AGBL1: variants seen among roughly 807,000 people sequenced by gnomAD.
The protein encoded by AGBL1 is AGBL carboxypeptidase 1.
AGBL1 carries 130 observed loss-of-function variants against 118.9 expected under a neutral mutation model. The observed-to-expected ratio is 1.09, with a 90% CI of 0.95 to 1.26. The LOEUF (loss-of-function observed/expected upper bound fraction) is 1.26. AGBL1 is among the 50% of genes most tolerant of loss of function. The pLI is 0.00. For synonymous variants in AGBL1, 555 were observed against 478.9 expected, an observed-to-expected ratio of 1.16 and a Z score of -2.08; for missense variants, 1,584 against 1,298.1, an observed-to-expected ratio of 1.22 and a Z score of -3.38.
chr15:86,700,821 G>T (rs1567129312), intron 22 of AGBL1, among the ~76,000 whole-genome samples: 1 of 152,102 alleles, frequency 6.6e-6, no homozygotes, highest in Non-Finnish European at 1.5e-5. Context: ...TACCATGAAA[G>T]TTGAGATTCG....
intron 1 of AGBL1, among the ~76,000 whole-genome samples, chr15:86,091,255 G>A (rs868676676): frequency 3.3e-5 from 5 of 152,272 alleles, no homozygotes; most frequent in African/African-American, 7.2e-5. Flanking sequence ...TGGGTGGAAA[G>A]GTTTTCAGAA....
intron 17 of AGBL1, among the ~76,000 whole-genome samples, chr15:86,364,878 C>T (rs114609983): frequency 0.027 from 4,100 of 149,898 alleles, 208 homozygotes; most frequent in African/African-American, 0.095. Flanking sequence ...TTACAATGCA[C>T]CTTTCATGCT....
intron 24 of AGBL1, among the ~76,000 whole-genome samples, chr15:87,008,131 C>T (rs1408958242): frequency 1.3e-5 from 2 of 152,118 alleles, no homozygotes; most frequent in Non-Finnish European, 2.9e-5. Flanking sequence ...GGAGTGCTTC[C>T]AGAAGAGATT....
At chr15:86,502,492 G>C (rs574716686) in intron 18 of AGBL1, among the ~76,000 whole-genome samples, 8 of 151,420 alleles carry the variant, frequency 5.3e-5, no homozygotes, top group Admixed American at 2.0e-4. Context: ...GGTAAAAGCA[G>C]ACAACCTTGG....
At chr15:86,918,430 C>G (rs911149084), downstream of AGBL1, among the ~76,000 whole-genome samples, 3 of 152,048 alleles carry the variant, frequency 2.0e-5, no homozygotes, top group Non-Finnish European at 4.4e-5. Flanking sequence ...CTTCATTTTT[C>G]CCTTGAGGCA....
intron 22 of AGBL1, among the ~76,000 whole-genome samples, chr15:86,852,020 A>G (rs557374237): frequency 6.6e-6 from 1 of 152,154 alleles, no homozygotes; most frequent in Admixed American, 6.5e-5. Flanking sequence ...GAACTACTAC[A>G]TAAACACTGT....
At chr15:86,732,268 T>C (rs78004085) in intron 22 of AGBL1, among the ~76,000 whole-genome samples, 1,866 of 152,316 alleles carry the variant, frequency 0.012, 29 homozygotes, top group East Asian at 0.069. Flanking sequence ...TGTGTATGCA[T>C]GTATATTTGT....
intron 21 of AGBL1, among the ~76,000 whole-genome samples, chr15:86,593,210 T>A (rs541304055): frequency 6.6e-6 from 1 of 152,202 alleles, no homozygotes; most frequent in Non-Finnish European, 1.5e-5. Flanking sequence ...ACTTTTTTAG[T>A]TCTTGGCACC....
chr15:86,273,248 C>T (rs1243148206), intron 15 of AGBL1, among the ~76,000 whole-genome samples: 2 of 152,142 alleles, frequency 1.3e-5, no homozygotes, highest in Admixed American at 1.3e-4. Context: ...AAAAGCACAG[C>T]CTTGACCTAA....
chr15:86,506,675 C>G (rs2082981232), intron 18 of AGBL1, among the ~76,000 whole-genome samples: 1 of 152,030 alleles, frequency 6.6e-6, no homozygotes, highest in Non-Finnish European at 1.5e-5. Context: ...AAATTCAGAA[C>G]CGATGACAGA....
intron 5 of AGBL1, among the ~76,000 whole-genome samples, chr15:86,165,968 C>G (rs2077335932): frequency 6.6e-6 from 1 of 152,124 alleles, no homozygotes; most frequent in Admixed American, 6.6e-5. Flanking sequence ...AGGGTTAAAG[C>G]CCTTTCATCT....
chr15:86,462,298 G>A (rs10520632), intron 18 of AGBL1, among the ~76,000 whole-genome samples: 1 of 151,860 alleles, frequency 6.6e-6, no homozygotes, highest in Non-Finnish European at 1.5e-5. Context: ...GACGTCCTTA[G>A]TAGCATCTGT....
At chr15:86,416,059 A>G (rs957948669) in intron 18 of AGBL1, among the ~76,000 whole-genome samples, 5 of 152,166 alleles carry the variant, frequency 3.3e-5, no homozygotes, top group Non-Finnish European at 7.3e-5. Flanking sequence ...TAATGTAGAT[A>G]TCACTGTTAT....
chr15:86,213,305 G>A (rs2078131676), intron 5 of AGBL1, among the ~76,000 whole-genome samples: 1 of 152,148 alleles, frequency 6.6e-6, no homozygotes, highest in African/African-American at 2.4e-5. Context: ...AATAAAAATG[G>A]CTTAGCAGTA....
intron 1 of AGBL1, among the ~76,000 whole-genome samples, chr15:86,110,433 A>G (rs1257461241): frequency 1.3e-5 from 2 of 152,204 alleles, no homozygotes; most frequent in East Asian, 1.9e-4. Context: ...AGAAAGAAAA[A>G]TATATTTACT....
At chr15:86,335,906 G>A (rs186041331) in intron 17 of AGBL1, among the ~76,000 whole-genome samples, 58 of 152,284 alleles carry the variant, frequency 3.8e-4, no homozygotes, top group Middle Eastern at 3.4e-3. Context: ...CTCTGAATAA[G>A]AACATGCATG....
chr15:86,960,916 T>C (rs2080986396), intron 23 of AGBL1, among the ~76,000 whole-genome samples: 1 of 152,056 alleles, frequency 6.6e-6, no homozygotes. Context: ...AGAATGGTTA[T>C]TGCCAGGTGC....
intron 22 of AGBL1, among the ~76,000 whole-genome samples, chr15:86,726,919 G>A (rs1463753785): frequency 6.6e-6 from 1 of 152,150 alleles, no homozygotes; most frequent in African/African-American, 2.4e-5. Flanking sequence ...TTCTGACAAG[G>A]CTACAATGAA....
At chr15:86,547,442 A>G (rs559282895) in intron 20 of AGBL1, among the ~76,000 whole-genome samples, 1 of 152,294 alleles carries the variant, frequency 6.6e-6, no homozygotes, top group East Asian at 1.9e-4. Context: ...GAACCTTTAA[A>G]AAGTCTCCTG....
Sources: gnomAD v4.1 joint callset for allele counts (sites outside exome capture counted in the v4.1 genomes callset) on GRCh38, gnomAD v4.1.1 for gene constraint, MANE v1.5 for transcripts, NCBI Gene and HGNC (gene_info 2026-07-23, HGNC 2026-07-21) for gene names.